ZFYVE19: variants seen among roughly 807,000 people sequenced by gnomAD.
ZFYVE19 encodes abscission/NoCut checkpoint regulator.
Under a neutral mutation model 62.8 loss-of-function variants are expected in ZFYVE19, and 49 were observed. That is an observed-to-expected ratio of 0.78 (90% confidence interval 0.62 to 0.99). ZFYVE19 has a LOEUF of 0.99. Among genes scored for constraint, ZFYVE19 ranks in the 50% least tolerant of loss-of-function variants. The pLI is 0.00. For synonymous variants in ZFYVE19, 242 were observed against 234.3 expected (o/e 1.03, Z -0.30); for missense variants, 630 against 601.9 (o/e 1.05, Z -0.49).
rs1335969814 is a variant in ZFYVE19 at position 40,814,232 on chromosome 15, C to T, written c.*6C>T. The T allele has an allele frequency of 1.2e-6, 2 of 1,613,980 alleles. No individual in the cohort carries two copies. The highest frequency in any genetic ancestry group is 2.7e-5 in the African/African-American group (2 of 74,944). On this transcript the variant is annotated 3_prime_UTR_variant, in exon 11 of 11. Coordinates refer to ENST00000355341, the MANE Select transcript of ZFYVE19 (RefSeq NM_001077268.2). ...GTGCAGGCCAAGAGCACTGAAGACA[C>T]CCTGGTCCTCCCGGAAGGGCAGTCC...
Position 40,807,436 on chromosome 15 carries a change from G to C in ZFYVE19, c.-154G>C. On this transcript the variant is annotated 5_prime_UTR_variant, in exon 1 of 11. Coordinates refer to ENST00000355341, the MANE Select transcript of ZFYVE19 (RefSeq NM_001077268.2). ...CAGGTCCATCTGTAAGAGCTCCTTGGTCACTGCCATGGTTCCGGCCTGACG... is the reference window on the plus strand; with the variant it reads ...CAGGTCCATCTGTAAGAGCTCCTTGCTCACTGCCATGGTTCCGGCCTGACG... 1 of 1,614,230 alleles carries C rather than the reference G, an allele frequency of 6.2e-7. No homozygotes were observed. Among genetic ancestry groups the C allele is most frequent in the Non-Finnish European group, 8.5e-7 (1 of 1,180,030 alleles).
rs149603122 is a variant in ZFYVE19, at chr15:40,813,709, G to A, written c.1111-4G>A. 73 of 1,612,232 alleles carry A rather than the reference G, an allele frequency of 4.5e-5. 1 individual carries two copies. The East Asian group carries it at 1.1e-3, about 25-fold the overall frequency. On this transcript the variant is annotated splice_region_variant and splice_polypyrimidine_tract_variant and intron_variant, in intron 8 of 10. Transcript: ENST00000355341. The stretch of plus-strand genomic sequence containing the variant: ...GGAGTAGTACATCTTCACCCTGTCC[G>A]CAGCTCACTGAAGAAGCTTCCCTGG...
rs181856133 is a variant in ZFYVE19 at position 40,814,832 on chromosome 15, A to G, written c.*606A>G. The G allele has an allele frequency of 8.2e-3, 1,305 of 158,724 alleles. 10 individuals carry two copies. Among genetic ancestry groups the G allele is most frequent in the Non-Finnish European group, 0.011 (818 of 71,672 alleles). The allele number at this position is 158,724 out of a possible 1,614,324, so 9.8% of individuals were successfully genotyped here. A position where few individuals can be genotyped will look rare whatever the true frequency, so the allele number is the denominator to read the frequency against. ...TCTTGGATTTCTCAGCCTCTCTACT[A>G]CTCACACAATGCACGCAGGAACAAT... is the stretch of plus-strand genomic sequence containing the variant. On this transcript the variant is annotated 3_prime_UTR_variant, in exon 11 of 11. Transcript: ENST00000355341.
chr15:40,807,714 G>T lies in ZFYVE19; in HGVS notation c.125G>T (p.Gly42Val), dbSNP rs926447940. The T allele has an allele frequency of 5.0e-6, 8 of 1,601,972 alleles. No individual in the cohort carries two copies. In the East Asian group the frequency reaches 1.8e-4, roughly 36 times the overall value. ...TVPVGVWGGA[G>V]QGREGRSWGE... Reference sequence around the variant, plus strand: ...CCAGTGGGCGTGTGGGGCGGGGCAGGGCAGGGAAGGGAAGGGCGGAGCTGG... The same window carrying T: ...CCAGTGGGCGTGTGGGGCGGGGCAGTGCAGGGAAGGGAAGGGCGGAGCTGG... Residue 42 changes from glycine (G) to valine (V), a missense_variant, in exon 1 of 11, where the codon GGG (glycine) becomes GTG (valine). By Grantham distance (109) the Gly-to-Val change is moderately radical. Transcript: ENST00000355341.
Position 40,807,636 on chromosome 15 carries a change from C to G in ZFYVE19, c.47C>G (p.Ala16Gly), listed in dbSNP as rs1291961907. The change falls in exon 1 of 11, where the codon GCT becomes GGT. Residue 16 changes from alanine to glycine, a missense_variant. Coordinates refer to ENST00000355341, the MANE Select transcript of ZFYVE19 (RefSeq NM_001077268.2). ...CCCCCGTTGCCGCCGCTGCCGTACG[C>G]TGGCTGCAGGAGAGCGTCCGGATTC... ...QQPPLPPLPYAGCRRASGFPA... is the reference protein window; with the variant it reads ...QQPPLPPLPYGGCRRASGFPA... 4 of 1,613,088 alleles carry G rather than the reference C, an allele frequency of 2.5e-6. No individual in the cohort carries two copies. Among genetic ancestry groups the G allele is most frequent in the Middle Eastern group, 1.7e-4 (1 of 5,948 alleles).
intron 6 of ZFYVE19, 97 bp downstream of exon 6, chr15:40,810,854 G>A (rs996963859): frequency 5.3e-5 from 77 of 1,448,516 alleles, no homozygotes; most frequent in Non-Finnish European, 2.2e-5. Flanking sequence ...AATATAAATC[G>A]GAGAGTGATC....
chr15:40,810,078 C>T lies in ZFYVE19; in HGVS notation c.579C>T (p.Val193=). The change falls in exon 5 of 11, where the codon GTC becomes GTT. Residue 193 remains valine, a synonymous_variant. Coordinates refer to ENST00000355341, the MANE Select transcript of ZFYVE19 (RefSeq NM_001077268.2). ...CCCCCATGCCAATTGCAGAGTTAGT[C>T]CCCTCACAGGCAGAGATAGAGGCAC... The part of the protein sequence containing the change: ...RLRQENKPKL[V]PSQAEIEARL... 1 of 1,614,148 alleles carries T rather than the reference C, an allele frequency of 6.2e-7. No homozygotes were observed. The highest frequency in any genetic ancestry group is 8.5e-7 in the Non-Finnish European group (1 of 1,180,024).
rs761014522 is a variant in ZFYVE19 at position 40,814,152 on chromosome 15, G to A, written c.1342G>A (p.Gly448Ser). 3 of 1,614,188 alleles carry A rather than the reference G, an allele frequency of 1.9e-6. No individual in the cohort carries two copies. The highest frequency in any genetic ancestry group is 1.1e-5 in the South Asian group (1 of 91,086). The change falls in exon 11 of 11, where the codon GGC (glycine) becomes AGC (serine). Residue 448 changes from glycine to serine, a missense_variant. By Grantham distance (56) the Gly-to-Ser change is moderately conservative. Transcript: ENST00000355341. ...TTGTATCCCTTTGTTCCACAGAGAGGGCCATGATGCCTTTGAGCTTAAAGA... is the reference window on the plus strand; with the variant it reads ...TTGTATCCCTTTGTTCCACAGAGAGAGCCATGATGCCTTTGAGCTTAAAGA... ...DLFCARCFREGHDAFELKEHQ... is the reference protein window; with the variant it reads ...DLFCARCFRESHDAFELKEHQ...
At chr15:40,808,034 TC>T in intron 1 of ZFYVE19, 166 bp downstream of exon 1, 1 of 1,086,782 alleles carries the variant, frequency 9.2e-7, no homozygotes, top group Non-Finnish European at 1.4e-6. Context: ...TAACATTCTC[TC>T]GCTTTCAGGG....
In ZFYVE19 at chr15:40,812,844, A is replaced by G; in HGVS notation, c.972A>G (p.Glu324=). 1 of 1,613,664 alleles carries G rather than the reference A, an allele frequency of 6.2e-7. No homozygotes were observed. Among genetic ancestry groups the G allele is most frequent in the Non-Finnish European group, 8.5e-7 (1 of 1,180,008 alleles). Residue 324 remains glutamate (E), a synonymous_variant, in exon 7 of 11, where the codon GAA becomes GAG. Coordinates refer to ENST00000355341, the MANE Select transcript of ZFYVE19 (RefSeq NM_001077268.2). ...LELREENTRQ[E]RILALAKRLA... ...TGCGGGAGGAGAACACGAGGCAGGA[A>G]CGGATTCTGGCCCTGGCCAAGCGAC... is the stretch of plus-strand genomic sequence containing the variant.
chr15:40,808,815 G>C, intron 1 of ZFYVE19: 1 of 341,366 alleles, frequency 2.9e-6, no homozygotes, highest in Non-Finnish European at 5.5e-6. Context: ...CTTTGTGGAA[G>C]AGTCAGTGGC....
intron 6 of ZFYVE19, 146 bp downstream of exon 6, chr15:40,810,903 A>G: frequency 9.3e-7 from 1 of 1,072,832 alleles, no homozygotes; most frequent in South Asian, 1.6e-5. Context: ...TGCTTACTCC[A>G]AAGGGAGCCA....
At chr15:40,810,534 G>A in intron 5 of ZFYVE19, 115 bp from the exon 6 acceptor site, 1 of 1,477,248 alleles carries the variant, frequency 6.8e-7, no homozygotes, top group South Asian at 1.4e-5. Flanking sequence ...TTGATTATGT[G>A]GGCCCTGGAT....
intron 1 of ZFYVE19, chr15:40,808,344 T>A (rs751674361): frequency 1.2e-4 from 184 of 1,597,504 alleles, no homozygotes; most frequent in Non-Finnish European, 1.5e-4. Context: ...CCTGTCCCTA[T>A]CACAGACCTG....
chr15:40,809,331 G>T, intron 2 of ZFYVE19, 77 bp from the exon 3 acceptor site: 1 of 1,613,662 alleles, frequency 6.2e-7, no homozygotes, highest in Non-Finnish European at 8.5e-7. Flanking sequence ...GCGAGAGTCA[G>T]CCGAGGAAGT....
chr15:40,814,025 G>A lies in ZFYVE19; in HGVS notation c.1292G>A (p.Arg431His), dbSNP rs769927712. The A allele has an allele frequency of 6.6e-5, 107 of 1,613,898 alleles. No individual in the cohort carries two copies. Among genetic ancestry groups the A allele is most frequent in the East Asian group, 1.3e-4 (6 of 44,876 alleles). Reference protein sequence around the residue: ...CCICNEDATLRCAGCDGDLFC... With the variant: ...CCICNEDATLHCAGCDGDLFC... ...ATCTGCAATGAGGATGCCACCCTACGCTGCGCTGGCTGCGATGGGGACCTC... is the reference window on the plus strand; with the variant it reads ...ATCTGCAATGAGGATGCCACCCTACACTGCGCTGGCTGCGATGGGGACCTC... The change falls in exon 10 of 11, where the codon CGC becomes CAC. Residue 431 changes from arginine to histidine, a missense_variant. Coordinates refer to ENST00000355341, the MANE Select transcript of ZFYVE19 (RefSeq NM_001077268.2).
chr15:40,810,899 C>A, intron 6 of ZFYVE19, 142 bp downstream of exon 6: 7 of 1,119,066 alleles, frequency 6.3e-6, no homozygotes, highest in Non-Finnish European at 7.5e-6. Context: ...TGAGTGCTTA[C>A]TCCAAAGGGA....
rs566666676 is a variant in ZFYVE19, at chr15:40,807,115, T to C, written c.-475T>C. On this transcript the variant is annotated 5_prime_UTR_variant, in exon 1 of 11. Transcript: ENST00000355341. ...TTCCTTGCTGCCTCGCCCCGCGGCC[T>C]CTAGGAGACAGGGGCCACGGGGAGA... The C allele has an allele frequency of 3.6e-3, 3,173 of 871,084 alleles. 7 individuals carry two copies. Among genetic ancestry groups the C allele is most frequent in the Non-Finnish European group, 4.3e-3 (2,545 of 585,482 alleles). 54.0% of individuals were successfully genotyped at this position (871,084 alleles called of 1,614,324 possible).
intron 1 of ZFYVE19, chr15:40,808,507 T>A (rs1253113710): frequency 3.6e-6 from 5 of 1,385,066 alleles, no homozygotes; most frequent in Non-Finnish European, 4.8e-6. Flanking sequence ...GGAGTCAGCG[T>A]TCAAATCTGA....
Sources: allele counts gnomAD v4.1 joint callset, GRCh38; gene constraint gnomAD v4.1.1; transcripts MANE v1.5; gene names NCBI Gene and HGNC (gene_info 2026-07-23, HGNC 2026-07-21).